The following LYSET variants were observed in gnomAD, a reference collection of about 807,000 sequenced individuals.
LYSET encodes the protein GNPTAB cleavage and activity factor.
At chr14:93,185,356 C>T in the LYSET span, 2 of 1,588,826 alleles carry the variant, frequency 1.3e-6, no homozygotes, top group South Asian at 2.2e-5. Flanking sequence ...GCTCACCTTT[C>T]TCCTAGCCGG....
chr14:93,186,719 A>G, the LYSET span: 8 of 1,529,626 alleles, frequency 5.2e-6, no homozygotes, highest in East Asian at 2.3e-5. Context: ...CCAGTCCTAT[A>G]TGGAGTCTGA....
the LYSET span, chr14:93,186,157 C>T: frequency 8.2e-7 from 1 of 1,212,878 alleles, no homozygotes; most frequent in East Asian, 2.3e-5. Context: ...GCGCGAGCCA[C>T]CGCGCCCGGC....
At chr14:93,185,419 C>A in the LYSET span, 3 of 1,612,668 alleles carry the variant, frequency 1.9e-6, no homozygotes, top group Non-Finnish European at 2.5e-6. Context: ...CCAAAGCCAC[C>A]CGATTATTCA....
chr14:93,186,185 A>C, the LYSET span: 1 of 1,434,892 alleles, frequency 7.0e-7, no homozygotes, highest in Non-Finnish European at 9.5e-7. Flanking sequence ...TCTTGGAGAT[A>C]AAGCAAGTAC....
the LYSET span, chr14:93,186,267 G>T: frequency 6.2e-7 from 1 of 1,612,600 alleles, no homozygotes; most frequent in Non-Finnish European, 8.5e-7. Context: ...AAGGCACAGA[G>T]CATGGAGAAT....
At chr14:93,186,813 C>G in the LYSET span, 24 of 849,192 alleles carry the variant, frequency 2.8e-5, no homozygotes, top group Non-Finnish European at 2.8e-5. Context: ...AGGGAGCTAT[C>G]TTTATCTGAA....
the LYSET span, chr14:93,185,430 G>T: frequency 6.2e-7 from 1 of 1,613,612 alleles, no homozygotes; most frequent in Non-Finnish European, 8.5e-7. Flanking sequence ...CGATTATTCA[G>T]AGCTGAGTGA....
At chr14:93,187,304 G>A in the LYSET span, among the ~76,000 whole-genome samples, 2 of 151,514 alleles carry the variant, frequency 1.3e-5, no homozygotes, top group Non-Finnish European at 2.9e-5. Flanking sequence ...TTTCTTTTTT[G>A]TGGAGAATGG....
At chr14:93,187,151 A>G in the LYSET span, 8 of 167,098 alleles carry the variant, frequency 4.8e-5, no homozygotes, top group Admixed American at 5.2e-4. Flanking sequence ...CAGCTAAGCC[A>G]GCTGTCTAGA....
At chr14:93,187,643 T>C in the LYSET span, among the ~76,000 whole-genome samples, 2 of 152,274 alleles carry the variant, frequency 1.3e-5, no homozygotes, top group African/African-American at 4.8e-5. Flanking sequence ...TTATTATTAT[T>C]ATTTTTGAGA....
the LYSET span, chr14:93,186,557 CA>C: frequency 6.2e-7 from 1 of 1,614,204 alleles, no homozygotes; most frequent in Non-Finnish European, 8.5e-7. Flanking sequence ...GAGCTGATCC[CA>C]AAACAGTGGG....
chr14:93,186,611 C>T, the LYSET span: 1 of 1,614,052 alleles, frequency 6.2e-7, no homozygotes, highest in Non-Finnish European at 8.5e-7. Flanking sequence ...TTTGCAATCG[C>T]CACCAGGCAT....
chr14:93,188,407 T>A, the LYSET span, among the ~76,000 whole-genome samples: 1 of 148,686 alleles, frequency 6.7e-6, no homozygotes, highest in Non-Finnish European at 1.5e-5. Flanking sequence ...CTGTACCTTC[T>A]CCTTTGCATT....
chr14:93,185,346 G>C, the LYSET span: 5 of 1,542,336 alleles, frequency 3.2e-6, no homozygotes, highest in African/African-American at 1.4e-5. Flanking sequence ...GGCTGGCGGC[G>C]CTCACCTTTC....
At chr14:93,188,213 C>T in the LYSET span, among the ~76,000 whole-genome samples, 4 of 152,278 alleles carry the variant, frequency 2.6e-5, no homozygotes, top group East Asian at 5.8e-4. Context: ...CCTCAGCCTC[C>T]CAAAGTACTA....
chr14:93,186,352 A>G, the LYSET span: 36 of 1,614,218 alleles, frequency 2.2e-5, no homozygotes, highest in South Asian at 3.6e-4. Context: ...GCATTTTACT[A>G]TGTTTTTGAA....
At chr14:93,185,846 G>C in the LYSET span, among the ~76,000 whole-genome samples, 1 of 147,768 alleles carries the variant, frequency 6.8e-6, no homozygotes, top group African/African-American at 2.5e-5. Context: ...TCTTAAGTGT[G>C]TTAGTGGGAT....
the LYSET span, chr14:93,186,509 T>G: frequency 7.4e-6 from 12 of 1,614,234 alleles, no homozygotes; most frequent in Admixed American, 1.7e-5. Context: ...TTCTGGTACC[T>G]TACTTACAGA....
At chr14:93,185,245 A>G in the LYSET span, 4 of 507,426 alleles carry the variant, frequency 7.9e-6, no homozygotes, top group African/African-American at 2.0e-5. Flanking sequence ...TCAGGTTCTC[A>G]GAGCGGGTCT....
Sources: allele counts gnomAD v4.1 joint callset (sites outside exome capture counted in the v4.1 genomes callset), GRCh38; gene constraint gnomAD v4.1.1; transcripts MANE v1.5; gene names NCBI Gene and HGNC (gene_info 2026-07-23, HGNC 2026-07-21).